TMTC2: variants seen among roughly 807,000 people sequenced by gnomAD.
The protein encoded by TMTC2 is transmembrane O-mannosyltransferase targeting cadherins 2.
A neutral mutation model predicts 82.4 loss-of-function variants in TMTC2; 43 were observed. The ratio of observed to expected loss-of-function variants is 0.52; its 90% CI spans 0.41 to 0.67. The LOEUF is 0.67. TMTC2 is among the 30% of genes least tolerant of loss of function. The probability of loss-of-function intolerance (pLI) is 0.00; values close to 1 mark genes in which losing one functional copy is unlikely to be tolerated. For synonymous variants in TMTC2, 408 were observed against 381.9 expected, an observed-to-expected ratio of 1.07 and a Z score of -0.80; for missense variants, 919 against 1,012.4, an observed-to-expected ratio of 0.91 and a Z score of 1.25.
chr12:83,054,460 T>C (rs1298612404), intron 10 of TMTC2, among the ~76,000 whole-genome samples: 1 of 151,688 alleles, frequency 6.6e-6, no homozygotes, highest in Admixed American at 6.6e-5. Flanking sequence ...AACATGAAAA[T>C]GGTGACTGAA....
At chr12:82,920,271 G>A (rs1034900014) in intron 3 of TMTC2, among the ~76,000 whole-genome samples, 13 of 152,012 alleles carry the variant, frequency 8.6e-5, no homozygotes, top group Non-Finnish European at 1.8e-4. Context: ...ATATGAAATT[G>A]CAATAGTTAC....
At chr12:83,032,274 T>TATATATAA in intron 9 of TMTC2, among the ~76,000 whole-genome samples, 1 of 27,356 alleles carries the variant, frequency 3.7e-5, no homozygotes, top group African/African-American at 1.1e-4. Context: ...TATATATATA[T>TATATATAA]ATATATATAT....
intron 1 of TMTC2, among the ~76,000 whole-genome samples, chr12:82,752,328 T>C (rs1328483631): frequency 6.6e-6 from 1 of 151,720 alleles, no homozygotes; most frequent in Non-Finnish European, 1.5e-5. Context: ...CTACTAAAAA[T>C]ACAAAAAATT....
At chr12:83,061,901 A>G in intron 11 of TMTC2, 70 bp downstream of exon 11, 2 of 1,166,560 alleles carry the variant, frequency 1.7e-6, no homozygotes, top group South Asian at 1.9e-5. Context: ...TGTAAGAAGC[A>G]TCATGATACT....
intron 1 of TMTC2, among the ~76,000 whole-genome samples, chr12:82,719,870 G>A (rs553513064): frequency 2.6e-5 from 4 of 152,078 alleles, no homozygotes; most frequent in Non-Finnish European, 5.9e-5. Context: ...GAAATGAAAC[G>A]TAAGTTCATG....
chr12:82,933,128 A>G (rs758948562), intron 4 of TMTC2, among the ~76,000 whole-genome samples: 1 of 152,182 alleles, frequency 6.6e-6, no homozygotes, highest in Non-Finnish European at 1.5e-5. Flanking sequence ...TACTAATATG[A>G]TGGGTCTTTA....
At chr12:82,926,815 G>A (rs866090515) in intron 3 of TMTC2, among the ~76,000 whole-genome samples, 2 of 152,296 alleles carry the variant, frequency 1.3e-5, no homozygotes, top group South Asian at 4.1e-4. Context: ...TGCTCTGTAA[G>A]TGGAACTGGA....
chr12:83,035,754 A>G (rs921967288), intron 9 of TMTC2, among the ~76,000 whole-genome samples: 1 of 152,100 alleles, frequency 6.6e-6, no homozygotes, highest in Non-Finnish European at 1.5e-5. Flanking sequence ...ATTCCCCTGT[A>G]CTCTCCAAAA....
At chr12:82,715,677 T>C (rs1873861971) in intron 1 of TMTC2, among the ~76,000 whole-genome samples, 1 of 152,154 alleles carries the variant, frequency 6.6e-6, no homozygotes, top group African/African-American at 2.4e-5. Flanking sequence ...AAAGAAGGAC[T>C]TCATCTTCTG....
At position 82,896,384 on chromosome 12, in the gene TMTC2, T is replaced by C; in HGVS notation, c.1221T>C (p.Pro407=). Residue 407 remains proline (P), a synonymous_variant, in exon 3 of 12, where the codon CCT becomes CCC. Transcript: ENST00000321196. ...SLSLLIIPFV[P]ATNLFFYVGF... ...CTTTGTTAATCATACCCTTTGTTCCTGCCACGAACCTGTTTTTCTATGTCG... is the reference window on the plus strand; with the variant it reads ...CTTTGTTAATCATACCCTTTGTTCCCGCCACGAACCTGTTTTTCTATGTCG... 1 of 1,614,204 alleles carries C rather than the reference T, an allele frequency of 6.2e-7. No homozygotes were observed. The highest frequency in any genetic ancestry group is 8.5e-7 in the Non-Finnish European group (1 of 1,180,038).
At chr12:82,972,798 A>G (rs191575434) in intron 7 of TMTC2, among the ~76,000 whole-genome samples, 533 of 152,310 alleles carry the variant, frequency 3.5e-3, no homozygotes, top group Non-Finnish European at 5.8e-3. Context: ...TTCAGTCAGC[A>G]GAAGGAGCAT....
intron 4 of TMTC2, among the ~76,000 whole-genome samples, chr12:82,932,232 C>T (rs1223817464): frequency 2.6e-5 from 4 of 152,130 alleles, no homozygotes; most frequent in African/African-American, 4.8e-5. Context: ...TTTGTTCATA[C>T]GTTGACTTCG....
chr12:82,842,821 T>A (rs1027424928), intron 1 of TMTC2, among the ~76,000 whole-genome samples: 21 of 152,222 alleles, frequency 1.4e-4, no homozygotes, highest in African/African-American at 4.6e-4. Flanking sequence ...TCTCTGTGTG[T>A]GTCCAAATTT....
intron 11 of TMTC2, among the ~76,000 whole-genome samples, chr12:83,096,659 G>C (rs1220584555): frequency 6.6e-6 from 1 of 152,106 alleles, no homozygotes; most frequent in Non-Finnish European, 1.5e-5. Flanking sequence ...ACTATCACTA[G>C]AACAGCAGGA....
intron 8 of TMTC2, among the ~76,000 whole-genome samples, chr12:83,029,658 A>C (rs557451020): frequency 6.6e-6 from 1 of 152,104 alleles, no homozygotes; most frequent in Non-Finnish European, 1.5e-5. Context: ...GTCACCATAT[A>C]TCTTCATCCC....
intron 2 of TMTC2, among the ~76,000 whole-genome samples, chr12:82,891,932 C>T (rs113459985): frequency 1.2e-4 from 19 of 152,158 alleles, no homozygotes; most frequent in East Asian, 5.8e-4. Flanking sequence ...AAAATACACA[C>T]GCACACACCT....
chr12:82,843,881 G>C (rs1311529060), intron 1 of TMTC2, among the ~76,000 whole-genome samples: 2 of 152,156 alleles, frequency 1.3e-5, no homozygotes, highest in East Asian at 1.9e-4. Context: ...CCAGGAGGCG[G>C]AGGATGCAGT....
At chr12:82,747,693 C>T (rs549295449) in intron 1 of TMTC2, among the ~76,000 whole-genome samples, 1 of 152,194 alleles carries the variant, frequency 6.6e-6, no homozygotes, top group Admixed American at 6.5e-5. Flanking sequence ...CAATATCGAC[C>T]CACTGCTGAA....
chr12:82,767,752 C>A (rs1017832858), intron 1 of TMTC2, among the ~76,000 whole-genome samples: 1 of 152,104 alleles, frequency 6.6e-6, no homozygotes. Context: ...TTGTTTTCTA[C>A]GATTGGTTCT....
Sources: allele counts gnomAD v4.1 joint callset (sites outside exome capture counted in the v4.1 genomes callset), GRCh38; gene constraint gnomAD v4.1.1; transcripts MANE v1.5; gene names NCBI Gene and HGNC (gene_info 2026-07-23, HGNC 2026-07-21).